Variants in IQCM observed in about 807,000 individuals in gnomAD.
IQCM encodes the protein IQ domain-containing protein M.
In IQCM, 45 loss-of-function variants were observed where a neutral mutation model predicts 57.6. The ratio of observed to expected loss-of-function variants is 0.78; its 90% CI spans 0.62 to 1.00. The LOEUF is 1.00. Among genes scored for constraint, IQCM ranks in the 50% least tolerant of loss-of-function variants. IQCM has a pLI of 0.00. For synonymous variants in IQCM, 148 were observed against 158.9 expected, an observed-to-expected ratio of 0.93 and a Z score of 0.51; for missense variants, 468 against 511.6, an observed-to-expected ratio of 0.91 and a Z score of 0.82.
intron 2 of IQCM, among the ~76,000 whole-genome samples, chr4:149,813,942 C>A (rs1774822298): frequency 6.6e-6 from 1 of 152,026 alleles, no homozygotes; most frequent in Non-Finnish European, 1.5e-5. Flanking sequence ...AGCTTCATTA[C>A]AAACCTCCCA....
intron 8 of IQCM, among the ~76,000 whole-genome samples, chr4:149,589,879 C>A (rs983175808): frequency 2.0e-4 from 31 of 151,956 alleles, no homozygotes; most frequent in Non-Finnish European, 2.5e-4. Context: ...ATTTTCATGG[C>A]TATAAAAATA....
chr4:149,448,637 T>C (rs1393824995), intron 12 of IQCM, among the ~76,000 whole-genome samples: 2 of 151,856 alleles, frequency 1.3e-5, no homozygotes, highest in East Asian at 3.9e-4. Context: ...ATATCAGGAA[T>C]GAGAACAATG....
intron 12 of IQCM, among the ~76,000 whole-genome samples, chr4:149,441,884 C>G (rs1018632585): frequency 2.0e-5 from 3 of 152,012 alleles, no homozygotes; most frequent in African/African-American, 7.2e-5. Flanking sequence ...AGGGCACAGC[C>G]CTCATGGGTG....
At chr4:149,718,460 A>G (rs1765178340) in intron 5 of IQCM, among the ~76,000 whole-genome samples, 1 of 152,260 alleles carries the variant, frequency 6.6e-6, no homozygotes, top group Admixed American at 6.5e-5. Context: ...TGAAGAGACA[A>G]AAGTTGAAAC....
intron 8 of IQCM, among the ~76,000 whole-genome samples, chr4:149,598,472 G>T (rs533961484): frequency 6.6e-6 from 1 of 152,184 alleles, no homozygotes; most frequent in East Asian, 1.9e-4. Context: ...CAAAAAATAA[G>T]AGAATTATTT....
chr4:149,647,847 G>C (rs1003603239), intron 7 of IQCM, among the ~76,000 whole-genome samples: 13 of 152,126 alleles, frequency 8.5e-5, no homozygotes, highest in African/African-American at 3.1e-4. Context: ...ATCCACAAGA[G>C]AAAATATTCT....
chr4:149,456,620 A>G (rs554038368), intron 12 of IQCM, among the ~76,000 whole-genome samples: 1 of 152,216 alleles, frequency 6.6e-6, no homozygotes, highest in African/African-American at 2.4e-5. Context: ...GTCATGCAAG[A>G]TCTCAAAAAG....
intron 7 of IQCM, among the ~76,000 whole-genome samples, chr4:149,673,399 A>G (rs994965703): frequency 6.6e-6 from 1 of 152,128 alleles, no homozygotes; most frequent in Admixed American, 6.6e-5. Flanking sequence ...AGAGACACAC[A>G]TAGGCTCAAA....
intron 2 of IQCM, among the ~76,000 whole-genome samples, chr4:149,750,912 A>T (rs1361422890): frequency 1.3e-5 from 2 of 152,244 alleles, no homozygotes; most frequent in Non-Finnish European, 2.9e-5. Flanking sequence ...GATGTTAAAG[A>T]GCAAAATCTA....
intron 7 of IQCM, among the ~76,000 whole-genome samples, chr4:149,622,803 G>A (rs1445605438): frequency 6.6e-6 from 1 of 152,080 alleles, no homozygotes; most frequent in African/African-American, 2.4e-5. Context: ...CCCAGCTCAT[G>A]GGCATTATTC....
chr4:149,385,415 C>T (rs770610837), intron 13 of IQCM, among the ~76,000 whole-genome samples: 13 of 151,894 alleles, frequency 8.6e-5, no homozygotes, highest in South Asian at 2.1e-4. Context: ...GGTAAGTTGA[C>T]GAAACTCAAT....
chr4:149,760,164 C>T (rs1436302631), intron 2 of IQCM, among the ~76,000 whole-genome samples: 1 of 151,674 alleles, frequency 6.6e-6, no homozygotes, highest in Admixed American at 6.6e-5. Context: ...GCAAGGAAGG[C>T]CCAAACATTC....
intron 5 of IQCM, among the ~76,000 whole-genome samples, chr4:149,730,701 G>C (rs1766380307): frequency 6.6e-6 from 1 of 152,122 alleles, no homozygotes; most frequent in African/African-American, 2.4e-5. Flanking sequence ...ATCTATTCCT[G>C]ACACCTAAAT....
At chr4:149,511,470 G>A (rs1744410313) in intron 12 of IQCM, among the ~76,000 whole-genome samples, 1 of 151,954 alleles carries the variant, frequency 6.6e-6, no homozygotes, top group Non-Finnish European at 1.5e-5. Flanking sequence ...AGAGGTTGCA[G>A]TGAGCTGAGA....
intron 2 of IQCM, among the ~76,000 whole-genome samples, chr4:149,764,791 A>G (rs1769883400): frequency 6.6e-6 from 1 of 152,070 alleles, no homozygotes; most frequent in Non-Finnish European, 1.5e-5. Context: ...TTTCCCTAAC[A>G]AAAATGACAA....
intron 9 of IQCM, among the ~76,000 whole-genome samples, chr4:149,580,612 G>A (rs1752090800): frequency 1.3e-5 from 2 of 151,802 alleles, no homozygotes; most frequent in Admixed American, 6.6e-5. Flanking sequence ...TGTAAACAAG[G>A]TAGGGAACTA....
intron 7 of IQCM, among the ~76,000 whole-genome samples, chr4:149,680,215 T>TA (rs751385640): frequency 7.3e-5 from 11 of 151,424 alleles, no homozygotes; most frequent in Non-Finnish European, 1.6e-4. Flanking sequence ...AGAATGATTT[T>TA]AATTGTAAAA....
rs1766626009 is a variant in IQCM, at chr4:149,733,245, T to C, written c.384A>G (p.Lys128=). The C allele has an allele frequency of 8.1e-7, 1 of 1,231,572 alleles. No individual in the cohort carries two copies. The highest frequency in any genetic ancestry group is 4.2e-5 in the Admixed American group (1 of 23,684). 76.3% of individuals were successfully genotyped at this position (1,231,572 alleles called of 1,614,324 possible). Residue 128 remains lysine (K), a splice_region_variant and synonymous_variant, in exon 5 of 14, where the codon AAA becomes AAG. Transcript: ENST00000636793. The part of the protein sequence containing the change: ...ERCRPIDLIT[K]GQVKLDKIMT... Reference sequence around the variant, plus strand: ...TTCTTCACTCCACCAAAAACTTACCTTTTGTAATTAGATCTATGGGCCTGC... The same window carrying C: ...TTCTTCACTCCACCAAAAACTTACCCTTTGTAATTAGATCTATGGGCCTGC...
intron 5 of IQCM, among the ~76,000 whole-genome samples, chr4:149,694,226 T>C (rs934393058): frequency 2.9e-5 from 4 of 138,182 alleles, no homozygotes; most frequent in African/African-American, 8.3e-5. Flanking sequence ...TTCTTTTTTT[T>C]TTTTTTTTTT....
Sources: gnomAD v4.1 joint callset for allele counts (sites outside exome capture counted in the v4.1 genomes callset) on GRCh38, gnomAD v4.1.1 for gene constraint, MANE v1.5 for transcripts, NCBI Gene and HGNC (gene_info 2026-07-23, HGNC 2026-07-21) for gene names.